The following DOK6 variants were observed in gnomAD, a reference collection of about 807,000 sequenced individuals.
DOK6 encodes docking protein 6.
DOK6 carries 22 observed loss-of-function variants against 44.0 expected under a neutral mutation model. The observed-to-expected ratio is 0.50, with a 90% CI of 0.36 to 0.71. DOK6 has a LOEUF of 0.71. DOK6 is among the 30% of genes least tolerant of loss of function. The pLI is 0.00. For synonymous variants in DOK6, 166 were observed against 145.5 expected, an observed-to-expected ratio of 1.14 and a Z score of -1.01; for missense variants, 340 against 416.4, an observed-to-expected ratio of 0.82 and a Z score of 1.60.
intron 1 of DOK6, among the ~76,000 whole-genome samples, chr18:69,447,841 T>C (rs1362734757): frequency 1.3e-5 from 2 of 152,240 alleles, no homozygotes; most frequent in East Asian, 3.8e-4. Context: ...TCCTAACCTC[T>C]TCTTCCCTGG....
chr18:69,485,058 T>G (rs1454225728), intron 1 of DOK6, among the ~76,000 whole-genome samples: 1 of 152,146 alleles, frequency 6.6e-6, no homozygotes, highest in African/African-American at 2.4e-5. Flanking sequence ...AAATGCATTG[T>G]AACGAGTAGG....
intron 1 of DOK6, among the ~76,000 whole-genome samples, chr18:69,486,371 C>T (rs1410646443): frequency 6.6e-6 from 1 of 152,058 alleles, no homozygotes; most frequent in Non-Finnish European, 1.5e-5. Context: ...CATGAAAAGT[C>T]TTAGTAAGAA....
chr18:69,777,842 A>G (rs1980126032), intron 7 of DOK6: 1 of 152,120 alleles, frequency 6.6e-6, no homozygotes, highest in African/African-American at 2.4e-5. Flanking sequence ...ACAAAGGGAA[A>G]CATGAAGAAG....
At chr18:69,601,588 G>T (rs1022491909) in intron 3 of DOK6, among the ~76,000 whole-genome samples, 1 of 152,156 alleles carries the variant, frequency 6.6e-6, no homozygotes, top group Non-Finnish European at 1.5e-5. Context: ...CCAGGGGCTG[G>T]AGTCAGAGCA....
chr18:69,533,223 G>A (rs1002439237), intron 1 of DOK6, among the ~76,000 whole-genome samples: 1 of 151,238 alleles, frequency 6.6e-6, no homozygotes, highest in African/African-American at 2.4e-5. Flanking sequence ...AACTACATAT[G>A]TTCAAGCTGA....
intron 1 of DOK6, among the ~76,000 whole-genome samples, chr18:69,543,457 A>G (rs1262145925): frequency 4.6e-5 from 7 of 151,202 alleles, no homozygotes; most frequent in Non-Finnish European, 1.0e-4. Flanking sequence ...AACATATACA[A>G]CCTCTCATTT....
At chr18:69,500,434 G>C (rs998408687) in intron 1 of DOK6, among the ~76,000 whole-genome samples, 2 of 151,956 alleles carry the variant, frequency 1.3e-5, no homozygotes, top group Non-Finnish European at 2.9e-5. Flanking sequence ...CCATTATACT[G>C]GCTCTCAGCT....
At position 69,677,856 on chromosome 18, in the gene DOK6, A is replaced by G. The variant is rs776483441; in HGVS notation, c.409+3A>G. ...AGGAGTGCAGCGGGAACAGAATGGT[A>G]GGTGTGAGATTGCCTTCCATCACTT... On this transcript the variant is annotated splice_donor_region_variant and intron_variant, in intron 4 of 7. Transcript: ENST00000382713. 1 of 1,612,780 alleles carries G rather than the reference A, an allele frequency of 6.2e-7. No homozygotes were observed. Among genetic ancestry groups the G allele is most frequent in the Non-Finnish European group, 8.5e-7 (1 of 1,179,186 alleles).
chr18:69,698,857 T>C (rs1054958257), intron 5 of DOK6, among the ~76,000 whole-genome samples: 1 of 152,212 alleles, frequency 6.6e-6, no homozygotes, highest in African/African-American at 2.4e-5. Context: ...TTGTAATTAT[T>C]TTAATAATGT....
At chr18:69,684,617 T>C (rs1014351636) in intron 4 of DOK6, among the ~76,000 whole-genome samples, 23 of 152,024 alleles carry the variant, frequency 1.5e-4, no homozygotes, top group Non-Finnish European at 2.9e-4. Context: ...AAATAAGAAA[T>C]AGATCCCTTC....
chr18:69,650,262 T>G (rs1444539502), intron 3 of DOK6, among the ~76,000 whole-genome samples: 1 of 152,208 alleles, frequency 6.6e-6, no homozygotes, highest in African/African-American at 2.4e-5. Flanking sequence ...ACTACTGCTC[T>G]GTGGGTTGAA....
chr18:69,774,509 A>G (rs1264668334), intron 7 of DOK6, among the ~76,000 whole-genome samples: 1 of 151,942 alleles, frequency 6.6e-6, no homozygotes, highest in African/African-American at 2.4e-5. Flanking sequence ...CGGAAATAAA[A>G]TTTTTTTAAA....
chr18:69,463,761 CTGTGTGCATGTGTGTGTGTG>C (rs1368739541), intron 1 of DOK6, among the ~76,000 whole-genome samples: 14 of 151,096 alleles, frequency 9.3e-5, no homozygotes, highest in Admixed American at 9.3e-4. Flanking sequence ...TTGTGTGTGT[CTGTGTGCATGTGTGTGTGTG>C]TCTGTGCAAA....
chr18:69,432,106 C>A lies in DOK6; in HGVS notation c.66+30796C>A, dbSNP rs554401345. On this transcript the variant is annotated intron_variant, in intron 1 of 7. Coordinates refer to ENST00000382713, the MANE Select transcript of DOK6 (RefSeq NM_152721.6). ...CATCGATATTTCACAATATAGTATA[C>A]AATTAGTGAGTTTTTTCCCCTAAAG... Among the ~76,000 whole-genome samples the A allele has an allele frequency of 2.0e-5, 3 of 152,202 alleles. No individual in the cohort carries two copies. The South Asian group carries it at 6.2e-4, about 32-fold the overall frequency.
At chr18:69,405,587 C>T (rs923749168) in intron 1 of DOK6, among the ~76,000 whole-genome samples, 1 of 139,598 alleles carries the variant, frequency 7.2e-6, no homozygotes, top group African/African-American at 2.8e-5. Flanking sequence ...CTCAAAATAA[C>T]TAACTAAATA....
rs1982227916 is a variant in DOK6, at chr18:69,841,730, C to T, written c.*347C>T. The T allele has an allele frequency of 4.2e-6, 1 of 238,758 alleles. No individual in the cohort carries two copies. The highest frequency in any genetic ancestry group is 8.5e-5 in the East Asian group (1 of 11,738). 14.8% of individuals were successfully genotyped at this position (238,758 alleles called of 1,614,324 possible). A position where few individuals can be genotyped will look rare whatever the true frequency, so the allele number is the denominator to read the frequency against. Reference sequence around the variant, plus strand: ...GGGTATGCCTGGGTGATGGGCACCTCTCACTGACCTCACAGCGCAGTCCGC... The same window carrying T: ...GGGTATGCCTGGGTGATGGGCACCTTTCACTGACCTCACAGCGCAGTCCGC... On this transcript the variant is annotated 3_prime_UTR_variant, in exon 8 of 8. Coordinates refer to ENST00000382713, the MANE Select transcript of DOK6 (RefSeq NM_152721.6).
intron 1 of DOK6, among the ~76,000 whole-genome samples, chr18:69,561,287 T>G (rs1048230348): frequency 6.8e-6 from 1 of 147,346 alleles, no homozygotes; most frequent in African/African-American, 2.5e-5. Flanking sequence ...ATTCCAGAGC[T>G]CTATTAAGTT....
chr18:69,546,305 T>C (rs1662263949), intron 1 of DOK6, among the ~76,000 whole-genome samples: 1 of 149,566 alleles, frequency 6.7e-6, no homozygotes, highest in African/African-American at 2.4e-5. Context: ...TAAACTAAAA[T>C]TGAGAAAAAT....
At chr18:69,786,507 T>C (rs1389605448) in intron 7 of DOK6, among the ~76,000 whole-genome samples, 1 of 152,120 alleles carries the variant, frequency 6.6e-6, no homozygotes, top group African/African-American at 2.4e-5. Flanking sequence ...TCACAGAAAG[T>C]GTTGGGGGAA....
Sources: allele counts gnomAD v4.1 joint callset (sites outside exome capture counted in the v4.1 genomes callset), GRCh38; gene constraint gnomAD v4.1.1; transcripts MANE v1.5; gene names NCBI Gene and HGNC (gene_info 2026-07-23, HGNC 2026-07-21).